Variants in MRPS27 observed in about 807,000 individuals in gnomAD.
MRPS27 encodes the protein mitochondrial ribosomal protein S27.
Under a neutral mutation model 48.9 loss-of-function variants are expected in MRPS27, and 43 were observed. The observed-to-expected ratio is 0.88, with a 90% CI of 0.69 to 1.13. The LOEUF (loss-of-function observed/expected upper bound fraction) is 1.13. Ranked by LOEUF, MRPS27 falls within the 50% of genes most tolerant of loss-of-function variation. MRPS27 has a pLI of 0.00. For missense variants in MRPS27, 467 were observed against 476.3 expected (o/e 0.98, Z 0.18); for synonymous variants, 188 against 171.9 (o/e 1.09, Z -0.73).
chr5:72,238,551 G>A (rs541335203), intron 4 of MRPS27, among the ~76,000 whole-genome samples: 10 of 152,328 alleles, frequency 6.6e-5, no homozygotes, highest in African/African-American at 2.4e-4. Flanking sequence ...CTGTAGAGGA[G>A]AATCAGCTTT....
chr5:72,272,793 T>C (rs1320631471), intron 4 of MRPS27, among the ~76,000 whole-genome samples: 1 of 152,138 alleles, frequency 6.6e-6, no homozygotes, highest in African/African-American at 2.4e-5. Flanking sequence ...CAACAGAAAC[T>C]GTGTGGCCTG....
chr5:72,244,821 C>T (rs959770747), intron 4 of MRPS27, among the ~76,000 whole-genome samples: 21 of 152,096 alleles, frequency 1.4e-4, no homozygotes, highest in African/African-American at 5.1e-4. Context: ...TGACATCTCT[C>T]CCTTTCTGAT....
chr5:72,288,205 G>A (rs1443813503), intron 4 of MRPS27, among the ~76,000 whole-genome samples: 1 of 150,212 alleles, frequency 6.7e-6, no homozygotes, highest in African/African-American at 2.4e-5. Context: ...TGGAGGGCAA[G>A]AATTCTTTTT....
At chr5:72,236,126 C>T (rs987027101) in intron 5 of MRPS27, among the ~76,000 whole-genome samples, 2 of 152,126 alleles carry the variant, frequency 1.3e-5, no homozygotes, top group South Asian at 4.1e-4. Context: ...ATGTTTTCTC[C>T]CCTATACTGT....
At chr5:72,287,815 T>C (rs1268040942) in intron 4 of MRPS27, among the ~76,000 whole-genome samples, 1 of 152,268 alleles carries the variant, frequency 6.6e-6, no homozygotes. Context: ...GTTGGGACTA[T>C]AAATGGTATA....
intron 4 of MRPS27, among the ~76,000 whole-genome samples, chr5:72,281,082 G>A (rs932456175): frequency 5.3e-5 from 8 of 152,214 alleles, no homozygotes; most frequent in African/African-American, 1.7e-4. Flanking sequence ...CTTGGGGCAG[G>A]GGTGGTGCGG....
intron 4 of MRPS27, among the ~76,000 whole-genome samples, chr5:72,240,712 A>G (rs1000494775): frequency 1.3e-5 from 2 of 152,224 alleles, no homozygotes; most frequent in Admixed American, 6.5e-5. Context: ...TTCAAAGCTC[A>G]AATTAAAACA....
intron 2 of MRPS27, among the ~76,000 whole-genome samples, chr5:72,302,217 C>T (rs1347338543): frequency 6.6e-6 from 1 of 152,174 alleles, no homozygotes; most frequent in East Asian, 1.9e-4. Flanking sequence ...TCAGAATATA[C>T]AAGATTGTAT....
At chr5:72,266,820 A>T (rs951280410) in intron 4 of MRPS27, among the ~76,000 whole-genome samples, 2 of 152,100 alleles carry the variant, frequency 1.3e-5, no homozygotes, top group East Asian at 1.9e-4. Flanking sequence ...AGATCGCCCC[A>T]CTGCACTCCA....
chr5:72,277,037 G>C (rs184815218), intron 4 of MRPS27, among the ~76,000 whole-genome samples: 16 of 151,218 alleles, frequency 1.1e-4, no homozygotes, highest in Non-Finnish European at 2.2e-4. Flanking sequence ...TCTCCAAAGG[G>C]GGAAAAAAAG....
At chr5:72,287,048 G>A (rs1192761683) in intron 4 of MRPS27, among the ~76,000 whole-genome samples, 4 of 152,046 alleles carry the variant, frequency 2.6e-5, no homozygotes, top group Admixed American at 6.6e-5. Flanking sequence ...GAGCATTACC[G>A]CCTGAGCTCC....
At chr5:72,243,688 A>G (rs1268159149) in intron 4 of MRPS27, among the ~76,000 whole-genome samples, 1 of 152,240 alleles carries the variant, frequency 6.6e-6, no homozygotes, top group Non-Finnish European at 1.5e-5. Context: ...CCCTGCCAAC[A>G]AAAGTCAACC....
At chr5:72,245,717 T>C (rs969737106) in intron 4 of MRPS27, among the ~76,000 whole-genome samples, 7 of 152,132 alleles carry the variant, frequency 4.6e-5, no homozygotes, top group Admixed American at 1.3e-4. Flanking sequence ...GCCCAGGAGA[T>C]GAAGCACACC....
Position 72,221,069 on chromosome 5 carries a change from T to C in MRPS27, c.1085A>G (p.Glu362Gly), listed in dbSNP as rs770333066. Residue 362 changes from glutamate to glycine, a missense_variant, in exon 11 of 11, where the codon GAA (glutamate) becomes GGA (glycine). Physicochemically the swap from Glu to Gly is moderately conservative, Grantham distance 98 (BLOSUM62 -2). Transcript: ENST00000261413. Reference sequence around the variant, plus strand: ...CTCTGCTTCACAGGTGGAGAGTTTTTCCTTGACAAGCTGGGTGGTCAGACT... The same window carrying C: ...CTCTGCTTCACAGGTGGAGAGTTTTCCCTTGACAAGCTGGGTGGTCAGACT... ...LLSLTTQLVKEKLSTCEAEDI... is the reference protein window; with the variant it reads ...LLSLTTQLVKGKLSTCEAEDI... The C allele has an allele frequency of 6.8e-6, 11 of 1,614,090 alleles. 1 individual carries two copies. In the South Asian group the frequency reaches 1.1e-4, roughly 16 times the overall value.
chr5:72,274,745 C>T (rs1371160664), intron 4 of MRPS27, among the ~76,000 whole-genome samples: 1 of 152,144 alleles, frequency 6.6e-6, no homozygotes, highest in East Asian at 1.9e-4. Context: ...ATGAGCATCA[C>T]CACAAACACA....
chr5:72,295,808 T>A (rs750407867), intron 3 of MRPS27, among the ~76,000 whole-genome samples: 1 of 152,204 alleles, frequency 6.6e-6, no homozygotes. Flanking sequence ...TCTTTTTCTA[T>A]GTGTAGAATA....
At chr5:72,310,872 G>C (rs1273591645) in intron 2 of MRPS27, among the ~76,000 whole-genome samples, 1 of 152,190 alleles carries the variant, frequency 6.6e-6, no homozygotes, top group Non-Finnish European at 1.5e-5. Flanking sequence ...CACCAGTGAA[G>C]GCATATGATA....
At chr5:72,249,355 T>C (rs1474815833) in intron 4 of MRPS27, among the ~76,000 whole-genome samples, 5 of 152,210 alleles carry the variant, frequency 3.3e-5, no homozygotes, top group African/African-American at 1.2e-4. Flanking sequence ...AAACATCTCC[T>C]TGCCTTCAAT....
intron 4 of MRPS27, among the ~76,000 whole-genome samples, chr5:72,247,501 T>C (rs538389118): frequency 6.6e-6 from 1 of 152,214 alleles, no homozygotes; most frequent in Non-Finnish European, 1.5e-5. Context: ...GTACCCACTT[T>C]GGGCAGGCAA....
Sources: gnomAD v4.1 joint callset for allele counts (sites outside exome capture counted in the v4.1 genomes callset) on GRCh38, gnomAD v4.1.1 for gene constraint, MANE v1.5 for transcripts, NCBI Gene and HGNC (gene_info 2026-07-23, HGNC 2026-07-21) for gene names.